ERC1: variants seen among roughly 807,000 people sequenced by gnomAD.
ERC1 encodes the protein RAB6 interacting protein 2.
In ERC1, 56 loss-of-function variants were observed where a neutral mutation model predicts 132.0. The ratio of observed to expected loss-of-function variants is 0.42; its 90% confidence interval spans 0.34 to 0.53. The LOEUF (loss-of-function observed/expected upper bound fraction) is 0.53. Ranked by LOEUF, ERC1 falls within the 20% of genes least tolerant of loss-of-function variation. The pLI, the probability that ERC1 is intolerant of heterozygous loss-of-function variation, is 0.03. For missense variants in ERC1, 1,202 were observed against 1,349.9 expected (o/e 0.89, Z 1.72); for synonymous variants, 478 against 476.1 (o/e 1.00, Z -0.05).
At chr12:1,190,918 T>C (rs1357250964) in intron 12 of ERC1, among the ~76,000 whole-genome samples, 1 of 151,952 alleles carries the variant, frequency 6.6e-6, no homozygotes, top group Non-Finnish European at 1.5e-5. Flanking sequence ...TCTTGAAGGC[T>C]GAGAAGTATT....
rs184007632 is a variant in ERC1, at chr12:1,098,723, A to G, written c.1087-6027A>G. ...TTAGACATCTAAATAGAGATGCCAAATGGGCAGTTGGATGTATGAGTCCTG... is the reference window on the plus strand; with the variant it reads ...TTAGACATCTAAATAGAGATGCCAAGTGGGCAGTTGGATGTATGAGTCCTG... On this transcript the variant is annotated intron_variant, in intron 3 of 18. Transcript: ENST00000360905. Among the ~76,000 whole-genome samples, 15 of 152,356 alleles carry G rather than the reference A, an allele frequency of 9.8e-5. No individual in the cohort carries two copies. The East Asian group carries it at 2.7e-3, about 27-fold the overall frequency.
At chr12:1,139,448 GT>G (rs1400080763) in intron 7 of ERC1, among the ~76,000 whole-genome samples, 1 of 152,090 alleles carries the variant, frequency 6.6e-6, no homozygotes, top group African/African-American at 2.4e-5. Flanking sequence ...ACTAGTTATT[GT>G]TGTTAATCTC....
intron 12 of ERC1, among the ~76,000 whole-genome samples, chr12:1,201,428 T>C (rs1303274310): frequency 2.6e-5 from 4 of 152,206 alleles, no homozygotes; most frequent in African/African-American, 4.8e-5. Context: ...TATTATTTTG[T>C]CATATATTTC....
intron 3 of ERC1, among the ~76,000 whole-genome samples, chr12:1,098,448 G>T (rs565761270): frequency 2.6e-5 from 4 of 152,230 alleles, no homozygotes; most frequent in Non-Finnish European, 4.4e-5. Flanking sequence ...TGGAAATGGG[G>T]TGAAATGGTT....
At chr12:1,013,130 A>T (rs940765174) in intron 1 of ERC1, among the ~76,000 whole-genome samples, 1 of 152,186 alleles carries the variant, frequency 6.6e-6, no homozygotes, top group Non-Finnish European at 1.5e-5. Context: ...ATGCAAGGTA[A>T]CATAATTTTA....
At chr12:1,420,916 G>T (rs1168444724) in intron 17 of ERC1, among the ~76,000 whole-genome samples, 2 of 34,432 alleles carry the variant, frequency 5.8e-5, no homozygotes, top group Non-Finnish European at 7.0e-5. Flanking sequence ...TTTGGTTTTG[G>T]TTTGGGGGGG....
chr12:1,491,678 C>G lies in ERC1; in HGVS notation c.*1448C>G, dbSNP rs768932218. The G allele has an allele frequency of 1.3e-5, 3 of 230,442 alleles. No individual in the cohort carries two copies. The highest frequency in any genetic ancestry group is 5.6e-5 in the Admixed American group (1 of 17,702). The allele number at this position is 230,442 out of a possible 1,614,324, so 14.3% of individuals were successfully genotyped here. ...CTGTTTGTTATTGCCCTTAGAGGGGCTCTGAGTATCTACTTGTGGGTGGCC... is the reference window on the plus strand; with the variant it reads ...CTGTTTGTTATTGCCCTTAGAGGGGGTCTGAGTATCTACTTGTGGGTGGCC... On this transcript the variant is annotated 3_prime_UTR_variant, in exon 19 of 19. Transcript: ENST00000360905.
intron 1 of ERC1, among the ~76,000 whole-genome samples, chr12:1,007,494 T>TCTCTC (rs1963884250): frequency 1.1e-5 from 1 of 90,634 alleles, no homozygotes; most frequent in African/African-American, 5.2e-5. Context: ...CTCTCTCTCT[T>TCTCTC]TCTCTCTCTC....
intron 15 of ERC1, among the ~76,000 whole-genome samples, chr12:1,365,291 C>T (rs771144693): frequency 2.6e-5 from 4 of 151,958 alleles, no homozygotes; most frequent in Non-Finnish European, 4.4e-5. Flanking sequence ...ATCTTCCTTA[C>T]GTGCTCTGCT....
chr12:1,478,884 G>C (rs1029675586), intron 18 of ERC1, among the ~76,000 whole-genome samples: 2 of 151,746 alleles, frequency 1.3e-5, no homozygotes, highest in Non-Finnish European at 2.9e-5. Flanking sequence ...ATTGCTTTTT[G>C]TGTTCTGTTT....
At chr12:1,041,666 C>G (rs1023158479) in intron 2 of ERC1, among the ~76,000 whole-genome samples, 3 of 152,200 alleles carry the variant, frequency 2.0e-5, no homozygotes, top group African/African-American at 4.8e-5. Context: ...ATATTATGAC[C>G]TGTGACATCA....
rs565381683 is a variant in ERC1, at chr12:1,413,096, T to G, written c.3024+4849T>G. 3.9e-5 allele frequency among the ~76,000 whole-genome samples: 6 copies of G among 152,314 alleles called. No individual in the cohort carries two copies. The South Asian group carries it at 1.0e-3, about 26-fold the overall frequency. On this transcript the variant is annotated intron_variant, in intron 17 of 18. Transcript: ENST00000360905. ...GTCTTCCATCACCACAAGTTTCATC[T>G]CCTATATGTTGAGGAATTTTTTCCT...
intron 8 of ERC1, among the ~76,000 whole-genome samples, chr12:1,166,653 T>C (rs1952456331): frequency 6.6e-6 from 1 of 152,198 alleles, no homozygotes; most frequent in Admixed American, 6.5e-5. Flanking sequence ...ATCATTTGGT[T>C]TTTCTCCTGT....
intron 16 of ERC1, among the ~76,000 whole-genome samples, chr12:1,392,398 G>A (rs1264970760): frequency 6.6e-6 from 1 of 152,090 alleles, no homozygotes; most frequent in African/African-American, 2.4e-5. Flanking sequence ...GTATGTTCTG[G>A]GCTTAGATAT....
rs148500609 is a variant in ERC1, at chr12:1,240,425, G to A, written c.2487+3521G>A. Among the ~76,000 whole-genome samples the A allele has an allele frequency of 1.7e-3, 254 of 152,206 alleles. 1 individual carries two copies. The highest frequency in any genetic ancestry group is 6.8e-3 in the Middle Eastern group (2 of 294). ...TATCACTTAACCACTTGAAACTTTC[G>A]TATCTGTAAAATGAGTCTTAAGACA... On this transcript the variant is annotated intron_variant, in intron 13 of 18. Transcript: ENST00000360905.
intron 15 of ERC1, among the ~76,000 whole-genome samples, chr12:1,318,336 T>TA: frequency 6.6e-6 from 1 of 152,328 alleles, no homozygotes; most frequent in Admixed American, 6.5e-5. Flanking sequence ...ATTATTGGCT[T>TA]ACTGTATTTA....
intron 18 of ERC1, among the ~76,000 whole-genome samples, chr12:1,484,546 T>G (rs1013056915): frequency 4.6e-5 from 7 of 152,064 alleles, no homozygotes; most frequent in Non-Finnish European, 8.8e-5. Flanking sequence ...GTAGTTTATA[T>G]TTCTTGTTCG....
chr12:1,265,429 G>A (rs1339860167), intron 14 of ERC1, among the ~76,000 whole-genome samples: 2 of 152,076 alleles, frequency 1.3e-5, no homozygotes, highest in East Asian at 1.9e-4. Flanking sequence ...AATAGACTTC[G>A]CAGTTTTTAG....
chr12:1,021,354 G>A (rs118185449), intron 1 of ERC1, among the ~76,000 whole-genome samples: 1,656 of 152,178 alleles, frequency 0.011, 10 homozygotes, highest in Non-Finnish European at 0.014. Flanking sequence ...GCCACTTTGC[G>A]GGAGGAGGTA....
Sources: allele counts gnomAD v4.1 joint callset (sites outside exome capture counted in the v4.1 genomes callset), GRCh38; gene constraint gnomAD v4.1.1; transcripts MANE v1.5; gene names NCBI Gene and HGNC (gene_info 2026-07-23, HGNC 2026-07-21).